TNRC6A: variants seen among roughly 807,000 people sequenced by gnomAD.
TNRC6A encodes the protein trinucleotide repeat containing adaptor 6A, also known as trinucleotide repeat-containing gene 6A protein.
In TNRC6A, 44 loss-of-function variants were observed where a neutral mutation model predicts 221.2. The observed-to-expected ratio is 0.20, with a 90% CI of 0.16 to 0.26. The LOEUF is 0.26. Ranked by LOEUF, TNRC6A falls within the 10% of genes least tolerant of loss-of-function variation. The probability of loss-of-function intolerance (pLI) is 1.00; values close to 1 mark genes in which losing one functional copy is unlikely to be tolerated. For synonymous variants in TNRC6A, 847 were observed against 838.5 expected (o/e 1.01, Z -0.18); for missense variants, 2,199 against 2,404.4 (o/e 0.91, Z 1.79).
intron 2 of TNRC6A, among the ~76,000 whole-genome samples, chr16:24,686,820 C>T (rs1230691561): frequency 1.3e-5 from 2 of 152,182 alleles, no homozygotes; most frequent in Admixed American, 6.5e-5. Context: ...TTGGATTCCC[C>T]TCCTAAACCC....
intron 18 of TNRC6A, 172 bp downstream of exon 18, chr16:24,809,653 G>A: frequency 5.5e-6 from 4 of 733,034 alleles, no homozygotes; most frequent in Non-Finnish European, 7.6e-6. Flanking sequence ...GAGACTTTCA[G>A]ATGAAAAGCA....
chr16:24,710,063 T>A (rs1475264254), intron 2 of TNRC6A, among the ~76,000 whole-genome samples: 2 of 150,116 alleles, frequency 1.3e-5, no homozygotes, highest in Non-Finnish European at 3.0e-5. Flanking sequence ...CCGTCTCTAC[T>A]CAAAATACAA....
In TNRC6A at chr16:24,805,145, C is replaced by G; in HGVS notation, c.4116C>G (p.Ser1372=). 1.2e-6 allele frequency: 2 copies of G among 1,614,100 alleles called. No individual in the cohort carries two copies. Among genetic ancestry groups the G allele is most frequent in the East Asian group, 2.2e-5 (1 of 44,884 alleles). ...CTCAAGTGCCTCCTCCATTACTCTCCCCTCAGGTAAATAAGCTTTCCTTAC... is the reference window on the plus strand; with the variant it reads ...CTCAAGTGCCTCCTCCATTACTCTCGCCTCAGGTAAATAAGCTTTCCTTAC... ...LRAQVPPPLL[S]PQVPVSLLKY... The change falls in exon 14 of 25, where the codon TCC becomes TCG. Residue 1372 remains serine, a synonymous_variant. Transcript: ENST00000395799.
intron 2 of TNRC6A, among the ~76,000 whole-genome samples, chr16:24,669,894 T>C (rs563074069): frequency 6.6e-6 from 1 of 150,920 alleles, no homozygotes; most frequent in African/African-American, 2.4e-5. Flanking sequence ...CTTAATGCTA[T>C]ATGCATCCAC....
At chr16:24,656,870 C>T (rs1040485391) in intron 2 of TNRC6A, among the ~76,000 whole-genome samples, 1 of 151,844 alleles carries the variant, frequency 6.6e-6, no homozygotes, top group Non-Finnish European at 1.5e-5. Context: ...AAATGTTTCA[C>T]ATAAAAGAAG....
intron 1 of TNRC6A, among the ~76,000 whole-genome samples, chr16:24,635,835 C>G (rs1472382285): frequency 2.0e-5 from 3 of 152,136 alleles, no homozygotes; most frequent in Admixed American, 6.6e-5. Flanking sequence ...TTATTTTTGC[C>G]TGAGCTTCCA....
intron 2 of TNRC6A, among the ~76,000 whole-genome samples, chr16:24,720,947 C>T (rs531325544): frequency 2.0e-5 from 3 of 151,652 alleles, no homozygotes; most frequent in South Asian, 4.2e-4. Context: ...CCCAGCCACT[C>T]GGGAAGCTGA....
At chr16:24,757,977 A>G (rs1013791987) in intron 3 of TNRC6A, among the ~76,000 whole-genome samples, 6 of 152,222 alleles carry the variant, frequency 3.9e-5, no homozygotes, top group African/African-American at 1.4e-4. Flanking sequence ...TGCAAAATAT[A>G]TTAAATCCAT....
intron 1 of TNRC6A, among the ~76,000 whole-genome samples, chr16:24,621,868 A>G (rs1900692910): frequency 6.6e-6 from 1 of 152,242 alleles, no homozygotes; most frequent in South Asian, 2.1e-4. Context: ...AGGATCTGCC[A>G]AGACAGAGCA....
At chr16:24,806,179 A>G in intron 15 of TNRC6A, 27 bp from the exon 16 acceptor site, 1 of 1,613,216 alleles carries the variant, frequency 6.2e-7, no homozygotes, top group Non-Finnish European at 8.5e-7. Flanking sequence ...TGTGATAGTA[A>G]CAACCTTTTC....
At chr16:24,734,653 C>CT (rs1239913435) in intron 2 of TNRC6A, among the ~76,000 whole-genome samples, 1 of 152,192 alleles carries the variant, frequency 6.6e-6, no homozygotes, top group African/African-American at 2.4e-5. Flanking sequence ...CCTTTTGACT[C>CT]TAATTCTAGT....
chr16:24,718,378 G>C (rs1239096442), intron 2 of TNRC6A, among the ~76,000 whole-genome samples: 1 of 152,174 alleles, frequency 6.6e-6, no homozygotes, highest in Non-Finnish European at 1.5e-5. Context: ...GAGATCCAGA[G>C]CATTTCAGGG....
chr16:24,667,115 CAAATAAATAAGT>C (rs572514184), intron 2 of TNRC6A, among the ~76,000 whole-genome samples: 51 of 152,176 alleles, frequency 3.4e-4, no homozygotes, highest in South Asian at 2.9e-3. Flanking sequence ...GACTCCATCT[CAAATAAATAAGT>C]AAAAATAAAA....
intron 1 of TNRC6A, among the ~76,000 whole-genome samples, chr16:24,629,488 A>G (rs1901220124): frequency 6.6e-6 from 1 of 152,182 alleles, no homozygotes; most frequent in Non-Finnish European, 1.5e-5. Flanking sequence ...TCAAACTGTT[A>G]ACTCACCATT....
At chr16:24,751,068 TC>T (rs1194202572) in intron 3 of TNRC6A, among the ~76,000 whole-genome samples, 7 of 152,304 alleles carry the variant, frequency 4.6e-5, no homozygotes, top group Non-Finnish European at 5.9e-5. Flanking sequence ...AAATAGCTGT[TC>T]CTAGGTGTTT....
intron 5 of TNRC6A, among the ~76,000 whole-genome samples, chr16:24,779,583 A>T (rs774713666): frequency 6.6e-6 from 1 of 152,208 alleles, no homozygotes; most frequent in Admixed American, 6.5e-5. Flanking sequence ...GCTAATCCTT[A>T]TGGGGTGCTT....
chr16:24,819,217 GCACTGACCTAATGCACA>G (rs1219629693), intron 21 of TNRC6A, among the ~76,000 whole-genome samples: 1 of 152,188 alleles, frequency 6.6e-6, no homozygotes, highest in Non-Finnish European at 1.5e-5. Context: ...ACCCTGAGTA[GCACTGACCTAATGCACA>G]CACACTTTGT....
intron 2 of TNRC6A, among the ~76,000 whole-genome samples, chr16:24,717,674 T>C (rs190312673): frequency 3.9e-5 from 6 of 152,082 alleles, no homozygotes; most frequent in African/African-American, 1.4e-4. Context: ...ACAGTCATGA[T>C]ATTAACAAAC....
chr16:24,616,794 C>G (rs1372880988), intron 1 of TNRC6A, among the ~76,000 whole-genome samples: 1 of 151,888 alleles, frequency 6.6e-6, no homozygotes, highest in Non-Finnish European at 1.5e-5. Context: ...ATTAGCTGGA[C>G]ATGGTAGTGC....
Sources: gnomAD v4.1 joint callset for allele counts (sites outside exome capture counted in the v4.1 genomes callset) on GRCh38, gnomAD v4.1.1 for gene constraint, MANE v1.5 for transcripts, NCBI Gene and HGNC (gene_info 2026-07-23, HGNC 2026-07-21) for gene names.